The following DYSF variants were observed in gnomAD, a reference collection of about 807,000 sequenced individuals.
DYSF encodes the protein dysferlin.
Under a neutral mutation model 274.9 loss-of-function variants are expected in DYSF, and 212 were observed. The observed-to-expected ratio is 0.77, with a 90% CI of 0.69 to 0.86. DYSF has a LOEUF of 0.86. Among genes scored for constraint, DYSF ranks in the 40% least tolerant of loss-of-function variants. The pLI, the probability that DYSF is intolerant of heterozygous loss-of-function variation, is 0.00. For missense variants in DYSF, 2,666 were observed against 2,783.2 expected, an observed-to-expected ratio of 0.96 and a Z score of 0.95; for synonymous variants, 1,091 against 1,078.7, an observed-to-expected ratio of 1.01 and a Z score of -0.22.
At chr2:71,600,583 GT>G in intron 33 of DYSF, 118 bp from the exon 34 acceptor site, 1 of 1,384,750 alleles carries the variant, frequency 7.2e-7, no homozygotes, top group Non-Finnish European at 1.0e-6. Context: ...GTGGGAGGGG[GT>G]GCCCTTACTA....
intron 30 of DYSF, among the ~76,000 whole-genome samples, chr2:71,586,685 G>A (rs2152838879): frequency 6.6e-6 from 1 of 152,240 alleles, no homozygotes; most frequent in South Asian, 2.1e-4. Context: ...GTGCTGACAG[G>A]GGCCCAGTGA....
In DYSF at chr2:71,503,289, C is replaced by A; in HGVS notation, c.315C>A (p.Pro105=). 6.2e-7 allele frequency: 1 copy of A among 1,614,146 alleles called. No individual in the cohort carries two copies. ...TPSLSASFNA[P]LLDTKKQPTG... ...GTCTGTCCGCCAGCTTCAATGCCCC[C>A]CTGCTGGACACCAAGAAGCAGCCCA... The change falls in exon 4 of 56, where the codon CCC becomes CCA. Residue 105 remains proline (P), a synonymous_variant. Coordinates refer to ENST00000410020, the MANE Select transcript of DYSF (RefSeq NM_001130987.2).
chr2:71,551,123 C>T lies in DYSF; in HGVS notation c.1659C>T (p.Phe553=), dbSNP rs1463798295. Residue 553 remains phenylalanine, a synonymous_variant, in exon 18 of 56, where the codon TTC becomes TTT. Transcript: ENST00000410020. ...LYGSPREFTG[F]PDPYTELNTG... ...GCAGTCCCAGAGAGTTCACAGGCTT[C>T]CCAGACCCCTACACAGAGCTCAACA... 1.2e-6 allele frequency: 2 copies of T among 1,614,006 alleles called. No individual in the cohort carries two copies. The highest frequency in any genetic ancestry group is 2.2e-5 in the East Asian group (1 of 44,878).
intron 17 of DYSF, among the ~76,000 whole-genome samples, chr2:71,547,200 G>T (rs2090544135): frequency 6.6e-6 from 1 of 152,238 alleles, no homozygotes; most frequent in Non-Finnish European, 1.5e-5. Context: ...AGGGGCGAGA[G>T]CCCGGGATGG....
chr2:71,593,377 C>A (rs566275184), intron 32 of DYSF, among the ~76,000 whole-genome samples: 4 of 152,120 alleles, frequency 2.6e-5, no homozygotes, highest in Non-Finnish European at 5.9e-5. Context: ...GCGATTCACC[C>A]GCCTTGGCCT....
upstream of DYSF, among the ~76,000 whole-genome samples, chr2:71,463,447 G>A (rs1243662041): frequency 6.6e-6 from 1 of 152,140 alleles, no homozygotes; most frequent in African/African-American, 2.4e-5. Flanking sequence ...GGAGCTTGGG[G>A]CTCCCACCCC....
chr2:71,656,319 G>C (rs1364259452), intron 43 of DYSF, 29 bp downstream of exon 43: 2 of 1,612,714 alleles, frequency 1.2e-6, no homozygotes, highest in African/African-American at 2.7e-5. Context: ...CCCTAACCCA[G>C]GTGGGCCTAA....
intron 1 of DYSF, among the ~76,000 whole-genome samples, chr2:71,460,718 C>G (rs2081247943): frequency 6.6e-6 from 1 of 152,034 alleles, no homozygotes; most frequent in Admixed American, 6.6e-5. Flanking sequence ...GTCAGATCAC[C>G]AGCAGTTGCT....
chr2:71,489,727 T>A (rs893892210), intron 3 of DYSF, among the ~76,000 whole-genome samples: 1 of 152,126 alleles, frequency 6.6e-6, no homozygotes, highest in African/African-American at 2.4e-5. Context: ...ATTGAGGGGC[T>A]CTGTACTGGG....
chr2:71,505,917 G>A (rs371596425), intron 4 of DYSF, among the ~76,000 whole-genome samples: 1 of 152,326 alleles, frequency 6.6e-6, no homozygotes, highest in East Asian at 1.9e-4. Flanking sequence ...TGTGTTGGGA[G>A]CGGGGACCTG....
chr2:71,638,841 T>C (rs976824000), intron 41 of DYSF, among the ~76,000 whole-genome samples: 1 of 152,234 alleles, frequency 6.6e-6, no homozygotes, highest in African/African-American at 2.4e-5. Flanking sequence ...CTCTTGGATA[T>C]ATACCTAGGA....
intron 45 of DYSF, among the ~76,000 whole-genome samples, chr2:71,660,894 A>G (rs191420280): frequency 6.6e-6 from 1 of 152,248 alleles, no homozygotes; most frequent in East Asian, 1.9e-4. Flanking sequence ...AGAAATCTAC[A>G]TGGCTTGAGC....
chr2:71,611,482 G>A lies in DYSF; in HGVS notation c.4077G>A (p.Leu1359=), dbSNP rs1403408041. The change falls in exon 38 of 56, where the codon CTG becomes CTA. Residue 1359 remains leucine, a synonymous_variant. Coordinates refer to ENST00000410020, the MANE Select transcript of DYSF (RefSeq NM_001130987.2). ...RTAIEILAWG[L]RNMKSYQLAN... is the part of the protein sequence containing the mutation. ...GTGCTTAGATCCTGGCATGGGGCCTGCGGAACATGAAGAGTTACCAGCTGG... is the reference window on the plus strand; with the variant it reads ...GTGCTTAGATCCTGGCATGGGGCCTACGGAACATGAAGAGTTACCAGCTGG... 14 of 1,614,112 alleles carry A rather than the reference G, an allele frequency of 8.7e-6. No homozygotes were observed. Among genetic ancestry groups the A allele is most frequent in the Non-Finnish European group, 1.2e-5 (14 of 1,180,020 alleles).
chr2:71,656,318 A>G (rs773725695), intron 43 of DYSF, 28 bp downstream of exon 43: 6 of 1,612,676 alleles, frequency 3.7e-6, no homozygotes, highest in Non-Finnish European at 5.1e-6. Context: ...TCCCTAACCC[A>G]GGTGGGCCTA....
intron 16 of DYSF, among the ~76,000 whole-genome samples, chr2:71,537,222 T>TGTTTG (rs2089443068): frequency 8.5e-6 from 1 of 117,976 alleles, no homozygotes; most frequent in South Asian, 2.3e-4. Context: ...TTTCTAGTTT[T>TGTTTG]GTTTTTTTTT....
chr2:71,571,578 A>G (rs1291177044), intron 29 of DYSF, among the ~76,000 whole-genome samples: 2 of 142,664 alleles, frequency 1.4e-5, no homozygotes, highest in Non-Finnish European at 3.0e-5. Context: ...CCCACCACAC[A>G]CAGATCACAC....
chr2:71,489,155 G>A (rs1309996888), intron 3 of DYSF, among the ~76,000 whole-genome samples: 1 of 152,084 alleles, frequency 6.6e-6, no homozygotes, highest in African/African-American at 2.4e-5. Flanking sequence ...CCACAACGGG[G>A]GTCTCCCTAA....
chr2:71,604,219 C>T (rs1232155285), intron 36 of DYSF, among the ~76,000 whole-genome samples: 1 of 152,144 alleles, frequency 6.6e-6, no homozygotes, highest in African/African-American at 2.4e-5. Flanking sequence ...AGGGGATAGC[C>T]CTGGGACCCC....
At chr2:71,571,989 A>T (rs111207178) in intron 29 of DYSF, among the ~76,000 whole-genome samples, 7,313 of 142,216 alleles carry the variant, frequency 0.051, 615 homozygotes, top group African/African-American at 0.18. Context: ...GATCACATCC[A>T]GCACACCCAG....
Sources: allele counts gnomAD v4.1 joint callset (sites outside exome capture counted in the v4.1 genomes callset), GRCh38; gene constraint gnomAD v4.1.1; transcripts MANE v1.5; gene names NCBI Gene and HGNC (gene_info 2026-07-23, HGNC 2026-07-21).